Variants in LAMB4 observed in about 807,000 individuals in gnomAD.
LAMB4 encodes the protein laminin subunit beta 4, also known as laminin subunit beta-4.
A neutral mutation model predicts 199.2 loss-of-function variants in LAMB4; 196 were observed. The ratio of observed to expected loss-of-function variants is 0.98; its 90% confidence interval spans 0.88 to 1.11. The LOEUF is 1.11. Among genes scored for constraint, LAMB4 ranks in the 50% least tolerant of loss-of-function variants. The pLI is 0.00. For missense variants in LAMB4, 2,080 were observed against 2,171.2 expected (o/e 0.96, Z 0.83); for synonymous variants, 744 against 770.6 (o/e 0.97, Z 0.57).
intron 17 of LAMB4, among the ~76,000 whole-genome samples, chr7:108,076,173 G>A (rs926592620): frequency 3.9e-5 from 6 of 151,918 alleles, no homozygotes; most frequent in Non-Finnish European, 7.4e-5. Context: ...AATACACATA[G>A]TAGTAAAAAA....
chr7:108,089,786 C>T (rs937950476), intron 14 of LAMB4, among the ~76,000 whole-genome samples: 4 of 152,200 alleles, frequency 2.6e-5, no homozygotes, highest in African/African-American at 9.7e-5. Flanking sequence ...CCTCAGCTTC[C>T]TGAGTAGCTG....
At chr7:108,108,230 G>C (rs1193827882) in intron 5 of LAMB4, among the ~76,000 whole-genome samples, 1 of 152,124 alleles carries the variant, frequency 6.6e-6, no homozygotes, top group Non-Finnish European at 1.5e-5. Flanking sequence ...TTCCTGGCCA[G>C]GTCTATCTTT....
chr7:108,092,930 C>A (rs1308064965), intron 12 of LAMB4, among the ~76,000 whole-genome samples: 1 of 152,026 alleles, frequency 6.6e-6, no homozygotes, highest in African/African-American at 2.4e-5. Flanking sequence ...ATGAAGGGGA[C>A]AGGAAGGTTG....
At chr7:108,012,508 T>G in the LAMB4 span, among the ~76,000 whole-genome samples, 1 of 152,246 alleles carries the variant, frequency 6.6e-6, no homozygotes, top group Non-Finnish European at 1.5e-5. Context: ...GAAAGTAGAC[T>G]ATAAGTTTTG....
chr7:108,038,033 A>T (rs2035288903), intron 29 of LAMB4, among the ~76,000 whole-genome samples: 1 of 152,262 alleles, frequency 6.6e-6, no homozygotes, highest in Non-Finnish European at 1.5e-5. Flanking sequence ...GACATTAAAA[A>T]GTCTCACAAT....
chr7:108,083,730 C>T (rs1432418432), intron 14 of LAMB4, among the ~76,000 whole-genome samples: 1 of 152,190 alleles, frequency 6.6e-6, no homozygotes, highest in African/African-American at 2.4e-5. Flanking sequence ...TGCTGTGTCC[C>T]TAACAGATAG....
At chr7:108,111,716 T>C in intron 4 of LAMB4, 95 bp downstream of exon 4, 2 of 1,071,860 alleles carry the variant, frequency 1.9e-6, no homozygotes, top group South Asian at 1.4e-5. Flanking sequence ...TCCAATATAA[T>C]ACTTTGCTGT....
At chr7:108,068,258 C>T (rs2036413156) in intron 18 of LAMB4, 99 bp from the exon 19 acceptor site, 3 of 1,134,442 alleles carry the variant, frequency 2.6e-6, no homozygotes, top group Non-Finnish European at 3.8e-6. Flanking sequence ...CATTTAAGAC[C>T]TCTTTAATAC....
At chr7:108,013,289 A>G in the LAMB4 span, among the ~76,000 whole-genome samples, 1 of 152,174 alleles carries the variant, frequency 6.6e-6, no homozygotes, top group Non-Finnish European at 1.5e-5. Flanking sequence ...GCCTGGGACT[A>G]TGCCTCTTGT....
intron 17 of LAMB4, among the ~76,000 whole-genome samples, chr7:108,074,557 C>T (rs996570982): frequency 1.3e-5 from 2 of 151,936 alleles, no homozygotes; most frequent in South Asian, 4.2e-4. Context: ...TCAGTAGAGA[C>T]GGGGTTTCGC....
chr7:108,034,451 T>G (rs1392910393), intron 30 of LAMB4, 105 bp from the exon 31 acceptor site: 1 of 835,946 alleles, frequency 1.2e-6, no homozygotes, highest in Non-Finnish European at 1.9e-6. Context: ...ACTGAATTAT[T>G]AAGTAAATTT....
Position 108,050,050 on chromosome 7 carries a change from T to C in LAMB4, c.3917-519A>G, listed in dbSNP as rs115288024. On this transcript the variant is annotated intron_variant, in intron 26 of 33. Coordinates refer to ENST00000388781, the MANE Select transcript of LAMB4 (RefSeq NM_007356.3). ...TTAACGTTTTAGGCTTTGCTGGCCA[T>C]AGCATTTCTATTCCAACTACTCACC... Among the ~76,000 whole-genome samples the C allele has an allele frequency of 7.0e-3, 1,063 of 152,314 alleles. 13 individuals carry two copies. Among genetic ancestry groups the C allele is most frequent in the African/African-American group, 0.024 (1,008 of 41,574 alleles).
chr7:108,081,957 C>A (rs1206455575), intron 14 of LAMB4, among the ~76,000 whole-genome samples: 1 of 152,134 alleles, frequency 6.6e-6, no homozygotes, highest in Non-Finnish European at 1.5e-5. Context: ...TCCTTGGGGG[C>A]ATGTTTAAAG....
rs1584757788 is a variant in LAMB4, at chr7:108,103,201, A to C, written c.1023T>G (p.Cys341Trp). The change falls in exon 10 of 34, where the codon TGT (cysteine) becomes TGG (tryptophan). Residue 341 changes from cysteine to tryptophan, a missense_variant. By Grantham distance (215) the Cys-to-Trp change is radical (BLOSUM62 -2). Coordinates refer to ENST00000388781, the MANE Select transcript of LAMB4 (RefSeq NM_007356.3). ...CCAGGTACGTAGTCATGTCAAAGTG[A>C]CAGCGGCTGGAGTGGCTATTACAGC... The part of the protein sequence containing the change: ...SCSCNSHSSR[C>W]HFDMTTYLAS... 6.3e-7 allele frequency: 1 copy of C among 1,582,076 alleles called. No homozygotes were observed. The highest frequency in any genetic ancestry group is 8.6e-7 in the Non-Finnish European group (1 of 1,163,180).
At chr7:108,033,735 A>ATTTTTTTT (rs556578520) in intron 31 of LAMB4, among the ~76,000 whole-genome samples, 2 of 102,074 alleles carry the variant, frequency 2.0e-5, no homozygotes, top group Admixed American at 1.0e-4. Context: ...TTGGATGAGT[A>ATTTTTTTT]TTTTTTTTTT....
intron 11 of LAMB4, among the ~76,000 whole-genome samples, chr7:108,095,799 G>A (rs114553763): frequency 1.6e-3 from 241 of 152,012 alleles, no homozygotes; most frequent in Non-Finnish European, 2.2e-3. Context: ...TCCTCTACCC[G>A]TAGACATTTC....
At chr7:108,052,037 T>G in intron 26 of LAMB4, 60 bp downstream of exon 26, 1 of 1,426,520 alleles carries the variant, frequency 7.0e-7, no homozygotes, top group Non-Finnish European at 9.6e-7. Flanking sequence ...ACTAATGGAA[T>G]GCACTGTGGA....
chr7:108,103,321 C>T, intron 9 of LAMB4, 89 bp from the exon 10 acceptor site: 1 of 1,004,066 alleles, frequency 1.0e-6, no homozygotes, highest in South Asian at 1.8e-5. Flanking sequence ...ACCCGCTAGT[C>T]CTCCTTGTCC....
chr7:108,107,361 T>A (rs2038058774), intron 6 of LAMB4, among the ~76,000 whole-genome samples: 1 of 152,140 alleles, frequency 6.6e-6, no homozygotes, highest in Non-Finnish European at 1.5e-5. Context: ...TAGAAATGGG[T>A]GTTCCTTCTT....
Sources: allele counts gnomAD v4.1 joint callset (sites outside exome capture counted in the v4.1 genomes callset), GRCh38; gene constraint gnomAD v4.1.1; transcripts MANE v1.5; gene names NCBI Gene and HGNC (gene_info 2026-07-23, HGNC 2026-07-21).